PALLD: variants seen among roughly 807,000 people sequenced by gnomAD.
The protein encoded by PALLD is palladin.
A neutral mutation model predicts 123.5 loss-of-function variants in PALLD; 61 were observed. That is an observed-to-expected ratio of 0.49 (90% CI 0.40 to 0.61). The LOEUF (loss-of-function observed/expected upper bound fraction) is 0.61. PALLD is among the 20% of genes least tolerant of loss of function. The pLI, the probability that PALLD is intolerant of heterozygous loss-of-function variation, is 0.00. For synonymous variants in PALLD, 465 were observed against 496.4 expected (o/e 0.94, Z 0.84); for missense variants, 1,273 against 1,377.0 (o/e 0.92, Z 1.20).
At chr4:168,532,995 A>T (rs1764745911) in intron 2 of PALLD, among the ~76,000 whole-genome samples, 1 of 152,204 alleles carries the variant, frequency 6.6e-6, no homozygotes, top group African/African-American at 2.4e-5. Context: ...TAAAGAATTA[A>T]AATAGGTTAC....
chr4:168,818,535 A>G (rs984446486), intron 10 of PALLD, among the ~76,000 whole-genome samples: 1 of 152,198 alleles, frequency 6.6e-6, no homozygotes, highest in African/African-American at 2.4e-5. Context: ...TGTGTGAGCC[A>G]TGATTATACC....
intron 2 of PALLD, among the ~76,000 whole-genome samples, chr4:168,663,806 A>G (rs1418164121): frequency 6.6e-6 from 1 of 152,202 alleles, no homozygotes; most frequent in Non-Finnish European, 1.5e-5. Context: ...TATCAAATGT[A>G]TTTATGCCAA....
intron 10 of PALLD, chr4:168,831,960 T>C: frequency 1.0e-6 from 1 of 977,156 alleles, no homozygotes; most frequent in Non-Finnish European, 1.2e-6. Flanking sequence ...GTCCCAGAGC[T>C]GCGAGCCACG....
intron 2 of PALLD, among the ~76,000 whole-genome samples, chr4:168,514,884 T>C (rs1048692033): frequency 6.6e-6 from 1 of 152,218 alleles, no homozygotes. Context: ...TTGGTGATTC[T>C]AGGGGTCATC....
intron 9 of PALLD, among the ~76,000 whole-genome samples, chr4:168,710,269 C>CT (rs1304850992): frequency 1.4e-5 from 2 of 144,192 alleles, no homozygotes; most frequent in Non-Finnish European, 3.2e-5. Flanking sequence ...TATGAAACAG[C>CT]TTTTTTTCTT....
Position 168,921,588 on chromosome 4 carries a change from C to T in PALLD, c.2905C>T (p.Arg969Cys), listed in dbSNP as rs374741161. ...LSWQLDGKPV[R>C]PDSAHKMLVR... is the part of the protein sequence containing the mutation. ...CTGGCAACTAGATGGAAAGCCCGTACGCCCTGACAGTGCTCACAAGATGCT... is the reference window on the plus strand; with the variant it reads ...CTGGCAACTAGATGGAAAGCCCGTATGCCCTGACAGTGCTCACAAGATGCT... The change falls in exon 18 of 22, where the codon CGC becomes TGC. Residue 969 changes from arginine (R) to cysteine (C), a missense_variant. Physicochemically the swap from Arg to Cys is radical, Grantham distance 180 (BLOSUM62 -3). Transcript: ENST00000505667. 4.0e-5 allele frequency: 65 copies of T among 1,609,684 alleles called. No individual in the cohort carries two copies. Among genetic ancestry groups the T allele is most frequent in the South Asian group, 8.8e-5 (8 of 90,624 alleles).
At chr4:168,802,067 C>G (rs995561625) in intron 10 of PALLD, among the ~76,000 whole-genome samples, 1 of 152,178 alleles carries the variant, frequency 6.6e-6, no homozygotes, top group Non-Finnish European at 1.5e-5. Context: ...TTTGTTTGTG[C>G]ACTCATCATT....
chr4:168,662,734 G>C (rs1779244210), intron 2 of PALLD, among the ~76,000 whole-genome samples: 1 of 152,236 alleles, frequency 6.6e-6, no homozygotes, highest in Non-Finnish European at 1.5e-5. Flanking sequence ...TTAGAGAATA[G>C]TAAATGTTTT....
At chr4:168,656,306 G>A (rs1227990919) in intron 2 of PALLD, among the ~76,000 whole-genome samples, 1 of 139,078 alleles carries the variant, frequency 7.2e-6, no homozygotes, top group African/African-American at 2.7e-5. Context: ...CACAATGTAG[G>A]TAACTTTGAA....
rs1554075247 is a variant in PALLD at position 168,745,423 on chromosome 4, T to TTG, written c.1964+33500_1964+33501insTG. Among the ~76,000 whole-genome samples, 79 of 64,968 alleles carry TTG rather than the reference T, an allele frequency of 1.2e-3. 1 individual carries two copies. The highest frequency in any genetic ancestry group is 3.7e-3 in the African/African-American group (75 of 20,032). 42.6% of individuals were successfully genotyped at this position (64,968 alleles called of 152,430 possible). A position where few individuals can be genotyped will look rare whatever the true frequency, so the allele number is the denominator to read the frequency against. On this transcript the variant is annotated intron_variant, in intron 10 of 21. Coordinates refer to ENST00000505667, the MANE Select transcript of PALLD (RefSeq NM_001166108.2). ...ACATCATTAGTTAGAGTCTGTGAGATGGGAGGGGGGGGCAAATAATGATTC... is the reference window on the plus strand; with the variant it reads ...ACATCATTAGTTAGAGTCTGTGAGATTGGGGAGGGGGGGGCAAATAATGATTC...
At chr4:168,613,187 C>T (rs1243292955) in intron 2 of PALLD, among the ~76,000 whole-genome samples, 2 of 152,134 alleles carry the variant, frequency 1.3e-5, no homozygotes, top group Admixed American at 6.5e-5. Context: ...GACCAACCAT[C>T]CTGATTTGCC....
intron 10 of PALLD, among the ~76,000 whole-genome samples, chr4:168,820,952 C>G (rs183454832): frequency 1.3e-5 from 2 of 152,132 alleles, no homozygotes; most frequent in Non-Finnish European, 2.9e-5. Context: ...AAGTGAGGAT[C>G]GCAATAAGAG....
chr4:168,903,708 A>G (rs1289977722), intron 14 of PALLD, 49 bp from the exon 15 acceptor site: 1 of 1,461,262 alleles, frequency 6.8e-7, no homozygotes, highest in Non-Finnish European at 9.6e-7. Flanking sequence ...CTCCAAATAG[A>G]GTAGGAATAC....
intron 15 of PALLD, among the ~76,000 whole-genome samples, chr4:168,909,073 AAAT>A (rs1758379722): frequency 6.6e-6 from 1 of 152,226 alleles, no homozygotes; most frequent in African/African-American, 2.4e-5. Context: ...TAGTTTAGCA[AAAT>A]AATGAGTGAC....
At chr4:168,854,782 T>A (rs1748339686) in intron 10 of PALLD, among the ~76,000 whole-genome samples, 1 of 152,238 alleles carries the variant, frequency 6.6e-6, no homozygotes, top group Non-Finnish European at 1.5e-5. Flanking sequence ...CTGAATTTTT[T>A]CCACTAAAGC....
chr4:168,550,499 T>C (rs1200242092), intron 2 of PALLD, among the ~76,000 whole-genome samples: 1 of 152,108 alleles, frequency 6.6e-6, no homozygotes, highest in African/African-American at 2.4e-5. Context: ...AGGGGCATTT[T>C]TGGCAAAATG....
intron 10 of PALLD, among the ~76,000 whole-genome samples, chr4:168,764,737 T>C (rs1733429428): frequency 6.6e-6 from 1 of 152,104 alleles, no homozygotes; most frequent in Admixed American, 6.6e-5. Flanking sequence ...TCATTTGAGA[T>C]TCATCTCAAA....
intron 8 of PALLD, among the ~76,000 whole-genome samples, chr4:168,694,046 GTTTTCCTTACA>G (rs1322571702): frequency 6.6e-6 from 1 of 152,136 alleles, no homozygotes; most frequent in Non-Finnish European, 1.5e-5. Flanking sequence ...GTTGCCAAGT[GTTTTCCTTACA>G]TTGACCTTGA....
intron 10 of PALLD, among the ~76,000 whole-genome samples, chr4:168,813,115 G>A (rs1304233004): frequency 6.1e-5 from 9 of 147,926 alleles, no homozygotes; most frequent in East Asian, 2.0e-4. Context: ...TGGGGGGGGC[G>A]GAAATGAATT....
Sources: gnomAD v4.1 joint callset for allele counts (sites outside exome capture counted in the v4.1 genomes callset) on GRCh38, gnomAD v4.1.1 for gene constraint, MANE v1.5 for transcripts, NCBI Gene and HGNC (gene_info 2026-07-23, HGNC 2026-07-21) for gene names.